VWA5A: variants seen among roughly 807,000 people sequenced by gnomAD.
The protein encoded by VWA5A is von Willebrand factor A domain containing 5A, also known as von Willebrand factor A domain-containing protein 5A.
VWA5A carries 77 observed loss-of-function variants against 84.6 expected under a neutral mutation model. The observed-to-expected ratio is 0.91, with a 90% CI of 0.76 to 1.10. The LOEUF is 1.10. Among genes scored for constraint, VWA5A ranks in the 50% least tolerant of loss-of-function variants. VWA5A has a pLI of 0.00. For missense variants in VWA5A, 973 were observed against 963.0 expected (o/e 1.01, Z -0.14); for synonymous variants, 334 against 350.1 (o/e 0.95, Z 0.51).
At chr11:124,121,073 A>G (rs1170643694) in intron 7 of VWA5A, among the ~76,000 whole-genome samples, 1 of 152,212 alleles carries the variant, frequency 6.6e-6, no homozygotes, top group Non-Finnish European at 1.5e-5. Context: ...TCATCCACAC[A>G]AGGAAGCGAA....
intron 15 of VWA5A, among the ~76,000 whole-genome samples, chr11:124,138,797 A>G (rs1352390597): frequency 6.6e-6 from 1 of 152,012 alleles, no homozygotes; most frequent in East Asian, 1.9e-4. Context: ...TCGTTTATCT[A>G]TTTTTTGCTT....
At chr11:124,133,454 T>G (rs1865127326) in intron 11 of VWA5A, among the ~76,000 whole-genome samples, 1 of 152,230 alleles carries the variant, frequency 6.6e-6, no homozygotes, top group South Asian at 2.1e-4. Context: ...GGCTTCTCTC[T>G]TCTCCCAGGT....
At position 124,136,664 on chromosome 11, in the gene VWA5A, C is replaced by G. The variant is rs1445198956; in HGVS notation, c.1615C>G (p.Pro539Ala). 3.7e-6 allele frequency: 6 copies of G among 1,613,594 alleles called. No individual in the cohort carries two copies. The highest frequency in any genetic ancestry group is 1.6e-4 in the Middle Eastern group (1 of 6,062). The change falls in exon 14 of 19, where the codon CCT becomes GCT. Residue 539 changes from proline (P) to alanine (A), a missense_variant. Physicochemically the swap from Pro to Ala is conservative, Grantham distance 27 (BLOSUM62 -1). Coordinates refer to ENST00000456829, the MANE Select transcript of VWA5A (RefSeq NM_001130142.2). ...GGTGACATTTCCTCTACAACCCAAG[C>G]CTGATGTCAAGTGAGAATTCAGTTT... Reference protein sequence around the residue: ...DKVTFPLQPKPDVNLTIHRLA... With the variant: ...DKVTFPLQPKADVNLTIHRLA...
At position 124,134,961 on chromosome 11, in the gene VWA5A, T is replaced by C; in HGVS notation, c.1286T>C (p.Leu429Pro). The change falls in exon 12 of 19, where the codon CTA (leucine) becomes CCA (proline). Residue 429 changes from leucine (L) to proline (P), a missense_variant. Coordinates refer to ENST00000456829, the MANE Select transcript of VWA5A (RefSeq NM_001130142.2). ...ATTGGAGAAGGCACCTCCACCAGCC[T>C]AATAAAAGGTATTGCCCGGGCATCA... ...FGIGEGTSTS[L>P]IKGIARASGG... 7 of 1,613,588 alleles carry C rather than the reference T, an allele frequency of 4.3e-6. No homozygotes were observed. The highest frequency in any genetic ancestry group is 5.9e-6 in the Non-Finnish European group (7 of 1,179,784).
At position 124,127,400 on chromosome 11, in the gene VWA5A, T is replaced by C. The variant is rs530250570; in HGVS notation, c.1244+3084T>C. 2.0e-5 allele frequency among the ~76,000 whole-genome samples: 3 copies of C among 152,380 alleles called. No homozygotes were observed. In the South Asian group the frequency reaches 6.2e-4, roughly 32 times the overall value. On this transcript the variant is annotated intron_variant, in intron 11 of 18. Transcript: ENST00000456829. ...CATGGTGCATATGTGCCACATTTTC[T>C]TTATCCAGTCTATCATTGATGGGCA... is the stretch of plus-strand genomic sequence containing the variant.
rs779864493 is a variant in VWA5A at position 124,123,018 on chromosome 11, T to G, written c.819T>G (p.Asp273Glu). 2 of 1,614,208 alleles carry G rather than the reference T, an allele frequency of 1.2e-6. No individual in the cohort carries two copies. Among genetic ancestry groups the G allele is most frequent in the Non-Finnish European group, 1.7e-6 (2 of 1,180,040 alleles). The change falls in exon 8 of 19, where the codon GAT (aspartate) becomes GAG (glutamate). Residue 273 changes from aspartate (D) to glutamate (E), a missense_variant. Coordinates refer to ENST00000456829, the MANE Select transcript of VWA5A (RefSeq NM_001130142.2). Reference protein sequence around the residue: ...MVSFYPNIPEDQPSNTCGEFI... With the variant: ...MVSFYPNIPEEQPSNTCGEFI... ...GTTTCTATCCAAATATCCCAGAAGA[T>G]CAACCATCAAATACCTGTGGAGAGT...
Position 124,145,858 on chromosome 11 carries a change from C to G in VWA5A, c.2282-8C>G. The G allele has an allele frequency of 6.4e-7, 1 of 1,572,176 alleles. No homozygotes were observed. The highest frequency in any genetic ancestry group is 8.7e-7 in the Non-Finnish European group (1 of 1,155,284). On this transcript the variant is annotated splice_polypyrimidine_tract_variant and splice_region_variant and intron_variant, in intron 18 of 18. Transcript: ENST00000456829. Reference sequence around the variant, plus strand: ...TTCATCCCTGCTTCTTGTTTTTCCTCACCACAGGCTCCACCATGCCTTCGG... The same window carrying G: ...TTCATCCCTGCTTCTTGTTTTTCCTGACCACAGGCTCCACCATGCCTTCGG...
chr11:124,118,927 C>G, intron 6 of VWA5A, 48 bp from the exon 7 acceptor site: 1 of 1,581,928 alleles, frequency 6.3e-7, no homozygotes, highest in Non-Finnish European at 8.7e-7. Context: ...CCCCAAGAAG[C>G]AAGAAGTTAT....
At chr11:124,140,277 G>C (rs565419776) in intron 15 of VWA5A, among the ~76,000 whole-genome samples, 1 of 152,066 alleles carries the variant, frequency 6.6e-6, no homozygotes, top group East Asian at 1.9e-4. Flanking sequence ...TTTGGTGTCA[G>C]GGTAATGCTA....
At chr11:124,135,453 G>C (rs10466537) in intron 12 of VWA5A, among the ~76,000 whole-genome samples, 14,240 of 151,670 alleles carry the variant, frequency 0.094, 674 homozygotes, top group African/African-American at 0.11. Flanking sequence ...CTAATGGATC[G>C]GAAGAGGTAG....
rs1259304055 is a variant in VWA5A at position 124,137,275 on chromosome 11, A to G, written c.1879+7A>G. The G allele has an allele frequency of 6.2e-7, 1 of 1,612,868 alleles. No individual in the cohort carries two copies. The highest frequency in any genetic ancestry group is 1.3e-5 in the African/African-American group (1 of 74,780). Reference sequence around the variant, plus strand: ...AAGATAAAATGCCAATCAGGTAATGAGTTTTATTCCATTCAAACTCATATA... The same window carrying G: ...AAGATAAAATGCCAATCAGGTAATGGGTTTTATTCCATTCAAACTCATATA... On this transcript the variant is annotated splice_region_variant and intron_variant, in intron 15 of 18. Coordinates refer to ENST00000456829, the MANE Select transcript of VWA5A (RefSeq NM_001130142.2).
At position 124,147,471 on chromosome 11, in the gene VWA5A, G is replaced by A. The variant is rs1860838998; in HGVS notation, c.*1526G>A. The A allele has an allele frequency of 6.6e-6, 1 of 152,160 alleles. No homozygotes were observed. The highest frequency in any genetic ancestry group is 2.4e-5 in the African/African-American group (1 of 41,446). The allele number at this position is 152,160 out of a possible 1,614,324, so 9.4% of individuals were successfully genotyped here. On this transcript the variant is annotated 3_prime_UTR_variant, in exon 19 of 19. Coordinates refer to ENST00000456829, the MANE Select transcript of VWA5A (RefSeq NM_001130142.2). ...TTTCTTTAAGTTGTTGAGTTACCTGGTATTAGGAAGACTTGTGTGACTTGC... is the reference window on the plus strand; with the variant it reads ...TTTCTTTAAGTTGTTGAGTTACCTGATATTAGGAAGACTTGTGTGACTTGC...
At chr11:124,118,100 C>G in intron 4 of VWA5A, 89 bp from the exon 5 acceptor site, 1 of 1,408,002 alleles carries the variant, frequency 7.1e-7, no homozygotes, top group African/African-American at 1.4e-5. Flanking sequence ...AGACCAATCA[C>G]ACAGTCGCTC....
intron 14 of VWA5A, 96 bp downstream of exon 14, chr11:124,136,770 CTCCCTCCCTCCT>C (rs1860601651): frequency 1.1e-6 from 1 of 899,820 alleles, no homozygotes; most frequent in Non-Finnish European, 1.7e-6. Flanking sequence ...CCCTCCCTCC[CTCCCTCCCTCCT>C]TCCTTCCTTC....
At chr11:124,121,059 G>A (rs1226663266) in intron 7 of VWA5A, among the ~76,000 whole-genome samples, 3 of 152,164 alleles carry the variant, frequency 2.0e-5, no homozygotes, top group Non-Finnish European at 2.9e-5. Context: ...ATGACTTGCT[G>A]TTCTCATCCA....
Position 124,117,842 on chromosome 11 carries a change from GAA to G in VWA5A, c.216_217del (p.Lys72AsnfsTer16). 6.2e-7 allele frequency: 1 copy of G among 1,614,198 alleles called. No homozygotes were observed. The highest frequency in any genetic ancestry group is 8.5e-7 in the Non-Finnish European group (1 of 1,180,034). On this transcript the variant is annotated frameshift_variant, in exon 4 of 19. Transcript: ENST00000456829. LOFTEE classifies it high-confidence loss of function. ...GCTTTGAGGCCTTGGTGGATGGGAA[GAA>G]AATTGTAGCAGAATTACAAGACAAG... is the stretch of plus-strand genomic sequence containing the variant. ...YSFEALVDGK[K>X]IVAELQDKMK...
In VWA5A at chr11:124,137,137, G is replaced by T. The variant is rs1860623241; in HGVS notation, c.1748G>T (p.Ser583Ile). The T allele has an allele frequency of 6.8e-6, 11 of 1,614,014 alleles. No homozygotes were observed. The highest frequency in any genetic ancestry group is 9.3e-6 in the Non-Finnish European group (11 of 1,180,034). The change falls in exon 15 of 19, where the codon AGC becomes ATC. Residue 583 changes from serine (S) to isoleucine (I), a missense_variant. Ser to Ile is a moderately radical substitution (Grantham distance 142). Coordinates refer to ENST00000456829, the MANE Select transcript of VWA5A (RefSeq NM_001130142.2). The stretch of plus-strand genomic sequence containing the variant: ...CTTAGCCTTGAGTCTGGTGTCATAA[G>T]CTCCTTCACAGCTTTCATTGCTATC... ...LNLSLESGVISSFTAFIAINK... is the reference protein window; with the variant it reads ...LNLSLESGVIISFTAFIAINK...
At chr11:124,115,879 G>C (rs896264612) in intron 1 of VWA5A, 2 of 152,224 alleles carry the variant, frequency 1.3e-5, no homozygotes, top group Non-Finnish European at 2.9e-5. Context: ...CAGCCCCTAA[G>C]CCCTTCTCTA....
At chr11:124,144,985 G>A (rs897477476) in intron 17 of VWA5A, among the ~76,000 whole-genome samples, 1 of 152,052 alleles carries the variant, frequency 6.6e-6, no homozygotes, top group Non-Finnish European at 1.5e-5. Flanking sequence ...TTGTCTTAGG[G>A]GTTTCCAGAA....
Sources: allele counts gnomAD v4.1 joint callset (sites outside exome capture counted in the v4.1 genomes callset), GRCh38; gene constraint gnomAD v4.1.1; transcripts MANE v1.5; gene names NCBI Gene and HGNC (gene_info 2026-07-23, HGNC 2026-07-21).